MLIP: variants seen among roughly 807,000 people sequenced by gnomAD.
The protein encoded by MLIP is muscular LMNA interacting protein, also known as muscular LMNA-interacting protein.
MLIP carries 79 observed loss-of-function variants against 84.8 expected under a neutral mutation model. That is an observed-to-expected ratio of 0.93 (90% CI 0.78 to 1.12). The LOEUF (loss-of-function observed/expected upper bound fraction) is 1.12. Ranked by LOEUF, MLIP falls within the 50% of genes most tolerant of loss-of-function variation. MLIP has a pLI of 0.00. For missense variants in MLIP, 1,257 were observed against 1,160.6 expected (o/e 1.08, Z -1.21); for synonymous variants, 504 against 463.0 (o/e 1.09, Z -1.14).
At chr6:54,143,118 C>T (rs984358224) in intron 4 of MLIP, among the ~76,000 whole-genome samples, 2 of 152,078 alleles carry the variant, frequency 1.3e-5, no homozygotes, top group African/African-American at 2.4e-5. Context: ...CTCCAGCTAG[C>T]CTCTCTGAAT....
At chr6:54,204,848 C>G (rs1241719305) in intron 11 of MLIP, among the ~76,000 whole-genome samples, 1 of 152,184 alleles carries the variant, frequency 6.6e-6, no homozygotes, top group African/African-American at 2.4e-5. Flanking sequence ...CAGACCTAAT[C>G]TTATCTATAT....
chr6:54,248,272 A>T (rs1456113618), intron 12 of MLIP, among the ~76,000 whole-genome samples: 1 of 152,164 alleles, frequency 6.6e-6, no homozygotes, highest in Non-Finnish European at 1.5e-5. Flanking sequence ...AAAACAATTG[A>T]AAATGATGTT....
rs1330052190 is a variant in MLIP, at chr6:54,205,395, T to C, written c.2718+3162T>C. On this transcript the variant is annotated intron_variant, in intron 11 of 13. Transcript: ENST00000502396. ...GCCAGACAGTTGGGCCAAATGGAAGTAGCTCACAGTCACTAATCTGCCTTG... is the reference window on the plus strand; with the variant it reads ...GCCAGACAGTTGGGCCAAATGGAAGCAGCTCACAGTCACTAATCTGCCTTG... Among the ~76,000 whole-genome samples the C allele has an allele frequency of 2.6e-5, 4 of 152,324 alleles. No homozygotes were observed. The East Asian group carries it at 7.7e-4, about 29-fold the overall frequency.
intron 12 of MLIP, among the ~76,000 whole-genome samples, chr6:54,254,318 G>T (rs1582641697): frequency 1.3e-5 from 2 of 151,492 alleles, no homozygotes; most frequent in South Asian, 4.2e-4. Context: ...GTAGAGATGG[G>T]GTTTTACCAT....
chr6:54,054,938 A>C (rs1010324989), intron 1 of MLIP, among the ~76,000 whole-genome samples: 1 of 150,018 alleles, frequency 6.7e-6, no homozygotes, highest in Non-Finnish European at 1.5e-5. Flanking sequence ...CCCAGGCTGG[A>C]GTGCACTGGC....
rs533253594 is a variant in MLIP, at chr6:54,059,323, C to T, written c.63+40232C>T. ...CACTCAAAATGTTGCTTTGATTTGT[C>T]TTTGTGTATGTAGATCCCTCAGAAC... On this transcript the variant is annotated intron_variant, in intron 1 of 12. Transcript: ENST00000274897. Among the ~76,000 whole-genome samples the T allele has an allele frequency of 3.3e-5, 5 of 152,308 alleles. No homozygotes were observed. The South Asian group carries it at 8.3e-4, about 25-fold the overall frequency.
chr6:54,202,082 A>G (rs1778722625), intron 10 of MLIP, 23 bp from the exon 11 acceptor site: 1 of 1,475,696 alleles, frequency 6.8e-7, no homozygotes, highest in Non-Finnish European at 9.1e-7. Flanking sequence ...TGTTTTTAAA[A>G]TATTTATTTT....
chr6:54,132,133 C>A (rs1771432242), intron 3 of MLIP, among the ~76,000 whole-genome samples: 1 of 152,166 alleles, frequency 6.6e-6, no homozygotes, highest in Non-Finnish European at 1.5e-5. Context: ...TGGGCCAAAA[C>A]AAGTCATTTG....
At chr6:54,246,163 C>T (rs1243481716) in intron 12 of MLIP, among the ~76,000 whole-genome samples, 1 of 152,058 alleles carries the variant, frequency 6.6e-6, no homozygotes, top group Non-Finnish European at 1.5e-5. Flanking sequence ...GTGGGCCCTT[C>T]CTCAGGTTTT....
At chr6:54,027,194 C>T (rs1301678175) in intron 1 of MLIP, among the ~76,000 whole-genome samples, 1 of 151,974 alleles carries the variant, frequency 6.6e-6, no homozygotes, top group Non-Finnish European at 1.5e-5. Flanking sequence ...TCTATGTTTT[C>T]ACTGAGAAAT....
At chr6:54,210,730 GA>G (rs70980900) in intron 11 of MLIP, among the ~76,000 whole-genome samples, 21,216 of 131,146 alleles carry the variant, frequency 0.16, 2,030 homozygotes, top group African/African-American at 0.28. Context: ...CCAACGGAGG[GA>G]AAAAAAAAAA....
chr6:54,113,236 T>C (rs1769624787), intron 1 of MLIP, among the ~76,000 whole-genome samples: 1 of 152,156 alleles, frequency 6.6e-6, no homozygotes, highest in Non-Finnish European at 1.5e-5. Context: ...AAGTTGCAAT[T>C]TCACCTCTTT....
rs118093739 is a variant in MLIP at position 54,032,381 on chromosome 6, T to C, written c.63+13290T>C. The C allele has an allele frequency of 2.6e-5, 4 of 152,276 alleles. No homozygotes were observed. In the East Asian group the frequency reaches 7.7e-4, roughly 29 times the overall value. The allele number at this position is 152,276 out of a possible 1,614,324, so 9.4% of individuals were successfully genotyped here. ...AGGAATTTATATTTTGCTTACATTT[T>C]TATTCTTATTCTACCAAAATCCTGT... On this transcript the variant is annotated intron_variant, in intron 1 of 12. Transcript: ENST00000274897.
In MLIP at chr6:54,213,734, A is replaced by AAAACAAAAAAC. The variant is rs368508685; in HGVS notation, c.2718+11503_2718+11504insACAAAAAACAA. ...AAAAAAAAAAAAAAAAAAAAAAAAA[A>AAAACAAAAAAC]AACAACAAACAGCATATCTTGTATG... On this transcript the variant is annotated intron_variant, in intron 11 of 13. Coordinates refer to ENST00000502396, the MANE Select transcript of MLIP (RefSeq NM_001281747.2). Among the ~76,000 whole-genome samples, 35 of 82,364 alleles carry AAAACAAAAAAC rather than the reference A, an allele frequency of 4.2e-4. 7 individuals carry two copies. Among genetic ancestry groups the AAAACAAAAAAC allele is most frequent in the African/African-American group, 7.2e-4 (16 of 22,300 alleles). 54.0% of individuals were successfully genotyped at this position (82,364 alleles called of 152,430 possible).
chr6:54,159,068 C>A (rs1193442741), intron 5 of MLIP, among the ~76,000 whole-genome samples: 1 of 151,876 alleles, frequency 6.6e-6, no homozygotes, highest in Non-Finnish European at 1.5e-5. Context: ...TATGCCAACA[C>A]ATTCAGCTAA....
intron 2 of MLIP, among the ~76,000 whole-genome samples, chr6:54,122,079 A>G (rs667854): frequency 0.39 from 58,649 of 151,972 alleles, 11,589 homozygotes; most frequent in Admixed American, 0.47. Context: ...TGGTGGAAAT[A>G]CTTTATCTAT....
At chr6:54,188,198 G>C (rs1777583195) in intron 9 of MLIP, among the ~76,000 whole-genome samples, 1 of 152,192 alleles carries the variant, frequency 6.6e-6, no homozygotes, top group South Asian at 2.1e-4. Context: ...AGTTAGTGGT[G>C]AGTGAATGTG....
At chr6:54,214,454 C>T (rs545861325) in intron 11 of MLIP, among the ~76,000 whole-genome samples, 4 of 152,196 alleles carry the variant, frequency 2.6e-5, no homozygotes, top group Non-Finnish European at 4.4e-5. Flanking sequence ...TCAGTGCTGA[C>T]AGTGGTCATG....
intron 1 of MLIP, among the ~76,000 whole-genome samples, chr6:54,050,865 C>A (rs1397348658): frequency 6.6e-6 from 1 of 152,066 alleles, no homozygotes; most frequent in Non-Finnish European, 1.5e-5. Flanking sequence ...CTAACACTAA[C>A]TATTTTTATA....
Sources: gnomAD v4.1 joint callset for allele counts (sites outside exome capture counted in the v4.1 genomes callset) on GRCh38, gnomAD v4.1.1 for gene constraint, MANE v1.5 for transcripts, NCBI Gene and HGNC (gene_info 2026-07-23, HGNC 2026-07-21) for gene names.